Variants in WDPCP observed in about 807,000 individuals in gnomAD.
WDPCP encodes the protein WD repeat containing planar cell polarity effector.
WDPCP carries 71 observed loss-of-function variants against 93.1 expected under a neutral mutation model. That is an observed-to-expected ratio of 0.76 (90% CI 0.63 to 0.93). The LOEUF (loss-of-function observed/expected upper bound fraction) is 0.93, where lower values mean the gene tolerates loss of function less well. WDPCP is among the 40% of genes least tolerant of loss of function. WDPCP has a pLI of 0.00. For synonymous variants in WDPCP, 315 were observed against 315.0 expected (o/e 1.00, Z 0.00); for missense variants, 844 against 887.4 (o/e 0.95, Z 0.62).
At chr2:63,649,304 A>G (rs978608754) in intron 3 of WDPCP, among the ~76,000 whole-genome samples, 2 of 152,120 alleles carry the variant, frequency 1.3e-5, no homozygotes, top group African/African-American at 4.8e-5. Context: ...ATCATACAAC[A>G]TGTGGTCTTT....
intron 11 of WDPCP, among the ~76,000 whole-genome samples, chr2:63,381,479 A>G (rs918549351): frequency 6.6e-6 from 1 of 152,110 alleles, no homozygotes; most frequent in Admixed American, 6.6e-5. Context: ...GTTAAGGACT[A>G]TTGTCTGGAC....
At chr2:63,331,969 C>A (rs956173840) in intron 12 of WDPCP, among the ~76,000 whole-genome samples, 7 of 151,778 alleles carry the variant, frequency 4.6e-5, no homozygotes, top group Admixed American at 4.6e-4. Context: ...CATTTACCAA[C>A]TGGTGGTCAT....
At chr2:63,137,852 A>T (rs1336604020) in intron 17 of WDPCP, among the ~76,000 whole-genome samples, 1 of 152,126 alleles carries the variant, frequency 6.6e-6, no homozygotes, top group Non-Finnish European at 1.5e-5. Context: ...TTTTTTGAAG[A>T]TCAGATAGTT....
chr2:63,594,143 A>G (rs1212509901), intron 3 of WDPCP, among the ~76,000 whole-genome samples: 1 of 152,226 alleles, frequency 6.6e-6, no homozygotes, highest in African/African-American at 2.4e-5. Context: ...GGGGCTTTGC[A>G]TAATAAGGAT....
intron 2 of WDPCP, among the ~76,000 whole-genome samples, chr2:63,753,387 C>T (rs902910840): frequency 2.0e-5 from 3 of 152,116 alleles, no homozygotes; most frequent in Non-Finnish European, 4.4e-5. Flanking sequence ...CAAGATTGCG[C>T]CATTGCACTC....
upstream of WDPCP, among the ~76,000 whole-genome samples, chr2:63,832,438 G>GA: frequency 6.6e-6 from 1 of 152,096 alleles, no homozygotes; most frequent in Middle Eastern, 3.4e-3. Context: ...GTGGGGGGGG[G>GA]AAATTCCACC....
At chr2:63,469,902 T>C (rs1699594027) in intron 6 of WDPCP, among the ~76,000 whole-genome samples, 1 of 152,200 alleles carries the variant, frequency 6.6e-6, no homozygotes, top group South Asian at 2.1e-4. Flanking sequence ...TCACCTTCCA[T>C]TGAAACTGCT....
chr2:63,380,584 T>A (rs1692218531), intron 11 of WDPCP, among the ~76,000 whole-genome samples: 1 of 151,864 alleles, frequency 6.6e-6, no homozygotes, highest in South Asian at 2.1e-4. Flanking sequence ...ATTAGCTGGG[T>A]GTGTGGTGCA....
chr2:63,378,330 T>C, intron 12 of WDPCP, 56 bp downstream of exon 12: 1 of 1,609,196 alleles, frequency 6.2e-7, no homozygotes, highest in African/African-American at 1.3e-5. Context: ...TTAAAGAGGA[T>C]GTCTCCTGAA....
At chr2:63,500,814 T>C (rs776691786) in intron 1 of WDPCP, among the ~76,000 whole-genome samples, 37 of 152,238 alleles carry the variant, frequency 2.4e-4, no homozygotes, top group Non-Finnish European at 4.9e-4. Context: ...TGAGCATTAT[T>C]AGTGAGTATT....
intron 1 of WDPCP, among the ~76,000 whole-genome samples, chr2:63,507,836 A>G (rs1701978932): frequency 6.6e-6 from 1 of 152,112 alleles, no homozygotes; most frequent in East Asian, 1.9e-4. Flanking sequence ...AGGATATCAG[A>G]GATTGAAGAT....
intron 2 of WDPCP, among the ~76,000 whole-genome samples, chr2:63,719,020 T>C (rs1203124533): frequency 6.6e-6 from 1 of 152,154 alleles, no homozygotes; most frequent in African/African-American, 2.4e-5. Context: ...AAAGAAGATA[T>C]GGAAAATTTA....
At chr2:63,281,855 A>G (rs1401222211) in intron 13 of WDPCP, among the ~76,000 whole-genome samples, 1 of 152,154 alleles carries the variant, frequency 6.6e-6, no homozygotes, top group African/African-American at 2.4e-5. Flanking sequence ...ATGATAAAAG[A>G]CTTCAAATTG....
chr2:63,316,576 C>T (rs1246333928), intron 12 of WDPCP, among the ~76,000 whole-genome samples: 1 of 151,786 alleles, frequency 6.6e-6, no homozygotes, highest in Non-Finnish European at 1.5e-5. Flanking sequence ...TTACTTGAAC[C>T]TGGGAGGCAG....
At chr2:63,367,304 A>C (rs1575242093) in intron 12 of WDPCP, among the ~76,000 whole-genome samples, 1 of 152,198 alleles carries the variant, frequency 6.6e-6, no homozygotes, top group East Asian at 1.9e-4. Flanking sequence ...ACACTTAAAA[A>C]TACTGATTAT....
chr2:63,787,297 T>C (rs945337615), intron 2 of WDPCP, among the ~76,000 whole-genome samples: 1 of 152,180 alleles, frequency 6.6e-6, no homozygotes, highest in African/African-American at 2.4e-5. Flanking sequence ...AAGACAAATG[T>C]TTCTTCTTTG....
chr2:63,374,414 C>G (rs942481132), intron 12 of WDPCP, among the ~76,000 whole-genome samples: 1 of 152,134 alleles, frequency 6.6e-6, no homozygotes, highest in Non-Finnish European at 1.5e-5. Context: ...TTTGGATGAT[C>G]TGACCAGGAG....
At chr2:63,318,901 C>T (rs924632710) in intron 12 of WDPCP, among the ~76,000 whole-genome samples, 9 of 151,754 alleles carry the variant, frequency 5.9e-5, no homozygotes, top group Non-Finnish European at 7.4e-5. Flanking sequence ...TGTAACAAAC[C>T]GGCTGATGTA....
At chr2:63,257,607 C>T (rs1681253202) in intron 14 of WDPCP, among the ~76,000 whole-genome samples, 1 of 152,124 alleles carries the variant, frequency 6.6e-6, no homozygotes, top group African/African-American at 2.4e-5. Flanking sequence ...AAAGGGAAGT[C>T]ACAGGGTATC....
Sources: allele counts gnomAD v4.1 joint callset (sites outside exome capture counted in the v4.1 genomes callset), GRCh38; gene constraint gnomAD v4.1.1; transcripts MANE v1.5; gene names NCBI Gene and HGNC (gene_info 2026-07-23, HGNC 2026-07-21).